UMAD1: variants seen among roughly 807,000 people sequenced by gnomAD.
UMAD1 encodes UBAP1-MVB12-associated (UMA)-domain containing protein 1.
A neutral mutation model predicts 6.1 loss-of-function variants in UMAD1; 8 were observed. The ratio of observed to expected loss-of-function variants is 1.30; its 90% CI spans 0.76 to 2.35. The LOEUF (loss-of-function observed/expected upper bound fraction) is 2.35. Among genes scored for constraint, UMAD1 ranks in the 30% most tolerant of loss-of-function variants. UMAD1 has a pLI of 0.00. For synonymous variants in UMAD1, 56 were observed against 31.4 expected (o/e 1.78, Z -2.61); for missense variants, 130 against 78.4 (o/e 1.66, Z -2.49).
intron 3 of UMAD1, among the ~76,000 whole-genome samples, chr7:7,838,962 A>G (rs1191476823): frequency 6.6e-6 from 1 of 152,194 alleles, no homozygotes; most frequent in Non-Finnish European, 1.5e-5. Context: ...GCAAAACAAG[A>G]ATAAACGCAA....
intron 3 of UMAD1, among the ~76,000 whole-genome samples, chr7:7,817,750 C>G (rs1320222483): frequency 6.6e-6 from 1 of 152,072 alleles, no homozygotes; most frequent in African/African-American, 2.4e-5. Context: ...TTTTTGCATC[C>G]GTTCCTGACT....
chr7:7,807,724 T>G (rs188993910), intron 3 of UMAD1, among the ~76,000 whole-genome samples: 21 of 152,238 alleles, frequency 1.4e-4, no homozygotes, highest in African/African-American at 4.8e-4. Flanking sequence ...CGTATTTGTA[T>G]TAAGTAATTT....
intron 3 of UMAD1, among the ~76,000 whole-genome samples, chr7:7,823,843 A>C (rs1381739388): frequency 6.6e-6 from 1 of 152,086 alleles, no homozygotes; most frequent in Non-Finnish European, 1.5e-5. Flanking sequence ...TGATTCGTAA[A>C]GCTAAGAAGA....
At chr7:7,740,026 C>G (rs953269745) in intron 2 of UMAD1, among the ~76,000 whole-genome samples, 1 of 152,176 alleles carries the variant, frequency 6.6e-6, no homozygotes, top group Non-Finnish European at 1.5e-5. Flanking sequence ...TACAGTGAAC[C>G]CTTTTTCCCC....
intron 3 of UMAD1, among the ~76,000 whole-genome samples, chr7:7,809,820 T>C (rs1782988887): frequency 6.6e-6 from 1 of 152,114 alleles, no homozygotes; most frequent in East Asian, 1.9e-4. Flanking sequence ...ATGTCTTTCA[T>C]AGAGCTATAG....
chr7:7,758,152 G>T (rs530723652), intron 2 of UMAD1, among the ~76,000 whole-genome samples: 4 of 152,004 alleles, frequency 2.6e-5, no homozygotes, highest in Admixed American at 6.6e-5. Flanking sequence ...TCAAGCAGTC[G>T]TTCTGCCAAG....
At chr7:7,796,554 C>A (rs1347120876) in intron 2 of UMAD1, among the ~76,000 whole-genome samples, 1 of 151,946 alleles carries the variant, frequency 6.6e-6, no homozygotes, top group Non-Finnish European at 1.5e-5. Context: ...CCCGGCCGAC[C>A]CATTTCTTTG....
At chr7:7,668,685 C>A (rs1167508863) in intron 1 of UMAD1, among the ~76,000 whole-genome samples, 2 of 152,100 alleles carry the variant, frequency 1.3e-5, no homozygotes, top group Non-Finnish European at 2.9e-5. Context: ...AAAAACATCA[C>A]CAACTTCTAA....
At chr7:7,847,723 G>A (rs1478046715) in intron 3 of UMAD1, among the ~76,000 whole-genome samples, 1 of 152,064 alleles carries the variant, frequency 6.6e-6, no homozygotes, top group African/African-American at 2.4e-5. Context: ...GCACATTATA[G>A]GGACTCAAAT....
intron 3 of UMAD1, among the ~76,000 whole-genome samples, chr7:7,829,766 G>A (rs1783424723): frequency 6.6e-6 from 1 of 152,120 alleles, no homozygotes; most frequent in South Asian, 2.1e-4. Flanking sequence ...ACCAAACCTA[G>A]TAAAACATTA....
chr7:7,715,011 A>G (rs934697346), intron 2 of UMAD1, among the ~76,000 whole-genome samples: 2 of 152,180 alleles, frequency 1.3e-5, no homozygotes, highest in Admixed American at 6.5e-5. Context: ...CAATGAAACT[A>G]GAACTAACCA....
At chr7:7,829,976 T>C (rs1302365822) in intron 3 of UMAD1, among the ~76,000 whole-genome samples, 1 of 152,220 alleles carries the variant, frequency 6.6e-6, no homozygotes, top group Non-Finnish European at 1.5e-5. Context: ...TTATCTTCCC[T>C]CATTGGATTT....
chr7:7,785,486 G>T (rs911049912), intron 2 of UMAD1, among the ~76,000 whole-genome samples: 1 of 152,202 alleles, frequency 6.6e-6, no homozygotes, highest in Non-Finnish European at 1.5e-5. Context: ...TACAAGCCAT[G>T]AAAAGGAATT....
chr7:7,856,963 A>G (rs1040990843), intron 3 of UMAD1, among the ~76,000 whole-genome samples: 3 of 152,186 alleles, frequency 2.0e-5, no homozygotes, highest in Non-Finnish European at 4.4e-5. Context: ...AAATTTTTCA[A>G]CTTGTGATTT....
chr7:7,653,702 G>T (rs1392363714), intron 1 of UMAD1, among the ~76,000 whole-genome samples: 1 of 152,230 alleles, frequency 6.6e-6, no homozygotes, highest in African/African-American at 2.4e-5. Context: ...TCTTTACCTA[G>T]AGAGTGCTGC....
chr7:7,652,160 G>A (rs1424106769), intron 1 of UMAD1, among the ~76,000 whole-genome samples: 1 of 152,186 alleles, frequency 6.6e-6, no homozygotes, highest in Non-Finnish European at 1.5e-5. Flanking sequence ...GATGGACAAA[G>A]TATTTTCCAC....
At position 7,678,348 on chromosome 7, in the gene UMAD1, C is replaced by T. The variant is rs146038749; in HGVS notation, c.82+4895C>T. Among the ~76,000 whole-genome samples, 351 of 148,878 alleles carry T rather than the reference C, an allele frequency of 2.4e-3. 2 individuals are homozygous for T. Among genetic ancestry groups the T allele is most frequent in the African/African-American group, 8.1e-3 (328 of 40,588 alleles). On this transcript the variant is annotated intron_variant, in intron 2 of 3. Transcript: ENST00000682710. Reference sequence around the variant, plus strand: ...TTCTCTGATGATCAACAATATTGAACGTTTTTTTAATATGCCTATTGGTCA... The same window carrying T: ...TTCTCTGATGATCAACAATATTGAATGTTTTTTTAATATGCCTATTGGTCA...
At chr7:7,782,171 G>A (rs1424198824) in intron 2 of UMAD1, among the ~76,000 whole-genome samples, 1 of 150,760 alleles carries the variant, frequency 6.6e-6, no homozygotes, top group African/African-American at 2.4e-5. Context: ...TCTCTGTTTT[G>A]TTTTTTTAAG....
chr7:7,769,177 G>C (rs1034858404), intron 2 of UMAD1, among the ~76,000 whole-genome samples: 9 of 152,122 alleles, frequency 5.9e-5, no homozygotes, highest in Non-Finnish European at 1.2e-4. Flanking sequence ...ATACTCATTT[G>C]TCTTTTAGGG....
Sources: gnomAD v4.1 joint callset for allele counts (sites outside exome capture counted in the v4.1 genomes callset) on GRCh38, gnomAD v4.1.1 for gene constraint, MANE v1.5 for transcripts, NCBI Gene and HGNC (gene_info 2026-07-23, HGNC 2026-07-21) for gene names.